The following CSGALNACT1 variants were observed in gnomAD, a reference collection of about 807,000 sequenced individuals.
CSGALNACT1 encodes the protein chondroitin sulfate N-acetylgalactosaminyltransferase 1.
A neutral mutation model predicts 51.0 loss-of-function variants in CSGALNACT1; 52 were observed. The ratio of observed to expected loss-of-function variants is 1.02; its 90% CI spans 0.82 to 1.29. The LOEUF (loss-of-function observed/expected upper bound fraction) is 1.29. CSGALNACT1 is among the 50% of genes most tolerant of loss of function. CSGALNACT1 has a pLI of 0.00. For synonymous variants in CSGALNACT1, 341 were observed against 254.4 expected (o/e 1.34, Z -3.24); for missense variants, 935 against 679.2 (o/e 1.38, Z -4.19).
rs2059308485 is a variant in CSGALNACT1, at chr8:19,666,928, AC to A, written c.-544+15544del. On this transcript the variant is annotated intron_variant, in intron 1 of 9. Transcript: ENST00000332246. ...AAGGGAGGAAGGGAGGAAGGGAGAG[AC>A]AGAGAGAGAGAGAAAAAGAAAGAAA... is the stretch of plus-strand genomic sequence containing the variant. 1.0e-4 allele frequency among the ~76,000 whole-genome samples: 14 copies of A among 140,676 alleles called. 1 individual carries two copies. Among genetic ancestry groups the A allele is most frequent in the African/African-American group, 3.5e-4 (13 of 37,110 alleles). 92.3% of individuals were successfully genotyped at this position (140,676 alleles called of 152,430 possible). A position where few individuals can be genotyped will look rare whatever the true frequency, so the allele number is the denominator to read the frequency against.
chr8:19,525,036 C>T lies in CSGALNACT1; in HGVS notation c.-296-18906G>A, dbSNP rs564268286. On this transcript the variant is annotated intron_variant, in intron 3 of 9. Coordinates refer to ENST00000454498, the Ensembl canonical transcript of CSGALNACT1. The stretch of plus-strand genomic sequence containing the variant: ...AGTGCCTAGCACAAACTGACCACAG[C>T]ATTGCTTATGATTTACTACTCTGTT... Among the ~76,000 whole-genome samples, 4 of 152,300 alleles carry T rather than the reference C, an allele frequency of 2.6e-5. No homozygotes were observed. The East Asian group carries it at 7.7e-4, about 29-fold the overall frequency.
At chr8:19,672,662 A>C (rs890160587) in intron 1 of CSGALNACT1, among the ~76,000 whole-genome samples, 3 of 152,200 alleles carry the variant, frequency 2.0e-5, no homozygotes, top group Non-Finnish European at 2.9e-5. Flanking sequence ...TGGTAACATA[A>C]ATGAAAAGCA....
chr8:19,496,930 G>C (rs1391347931), intron 4 of CSGALNACT1, among the ~76,000 whole-genome samples: 1 of 152,082 alleles, frequency 6.6e-6, no homozygotes, highest in Admixed American at 6.5e-5. Flanking sequence ...TGCAGCCGGC[G>C]GGAGGGGACA....
intron 1 of CSGALNACT1, among the ~76,000 whole-genome samples, chr8:19,731,257 C>T (rs1300319811): frequency 1.3e-5 from 2 of 152,004 alleles, no homozygotes; most frequent in East Asian, 3.9e-4. Flanking sequence ...CCTGTAATCC[C>T]AGCACTTTGG....
intron 2 of CSGALNACT1, among the ~76,000 whole-genome samples, chr8:19,597,235 T>G (rs1039260136): frequency 1.3e-5 from 2 of 151,834 alleles, no homozygotes; most frequent in South Asian, 4.1e-4. Flanking sequence ...ATTTCGTGTA[T>G]CCATTCATCT....
chr8:19,629,009 A>G (rs553675245), intron 1 of CSGALNACT1, among the ~76,000 whole-genome samples: 1 of 152,310 alleles, frequency 6.6e-6, no homozygotes, highest in Admixed American at 6.5e-5. Flanking sequence ...TAAGAGACCA[A>G]GGAGAAACTG....
intron 4 of CSGALNACT1, among the ~76,000 whole-genome samples, chr8:19,503,919 G>T (rs2076846325): frequency 6.6e-6 from 1 of 151,942 alleles, no homozygotes; most frequent in African/African-American, 2.4e-5. Context: ...AAGCATAAAA[G>T]AAGAAAGTGT....
chr8:19,484,046 C>G (rs906386691), intron 4 of CSGALNACT1, among the ~76,000 whole-genome samples: 4 of 152,198 alleles, frequency 2.6e-5, no homozygotes, highest in African/African-American at 9.7e-5. Context: ...GCAGTGGACA[C>G]TATCCCCCAA....
intron 5 of CSGALNACT1, among the ~76,000 whole-genome samples, chr8:19,449,560 T>C (rs1157030812): frequency 1.3e-5 from 2 of 152,174 alleles, no homozygotes. Flanking sequence ...TTTAAAATAA[T>C]TTTCCTGAAA....
chr8:19,443,212 T>C (rs562486379), intron 5 of CSGALNACT1, among the ~76,000 whole-genome samples: 1 of 152,228 alleles, frequency 6.6e-6, no homozygotes, highest in South Asian at 2.1e-4. Context: ...GCTGACGGTT[T>C]AGTTCATTTA....
intron 4 of CSGALNACT1, among the ~76,000 whole-genome samples, chr8:19,469,886 C>A (rs2067702095): frequency 1.3e-5 from 2 of 152,122 alleles, no homozygotes; most frequent in Admixed American, 1.3e-4. Flanking sequence ...AACTTGGTGT[C>A]TGCAACCCTA....
intron 3 of CSGALNACT1, among the ~76,000 whole-genome samples, chr8:19,570,817 G>A (rs890968737): frequency 1.3e-5 from 2 of 152,094 alleles, no homozygotes; most frequent in Non-Finnish European, 2.9e-5. Flanking sequence ...CAAGAATCAA[G>A]CTGAGGCTTG....
intron 3 of CSGALNACT1, among the ~76,000 whole-genome samples, chr8:19,537,682 C>G (rs1345244091): frequency 1.3e-5 from 2 of 152,152 alleles, no homozygotes; most frequent in Non-Finnish European, 2.9e-5. Context: ...CTTCAGTTGA[C>G]AAATCCATAA....
At chr8:19,516,491 C>T (rs73585587) in intron 3 of CSGALNACT1, among the ~76,000 whole-genome samples, 9,841 of 152,108 alleles carry the variant, frequency 0.065, 861 homozygotes, top group African/African-American at 0.19. Context: ...GCCCCTCAAA[C>T]GTGGCATGAA....
intron 1 of CSGALNACT1, among the ~76,000 whole-genome samples, chr8:19,666,827 GAGAGAGAA>G (rs1404977311): frequency 0.036 from 1,427 of 39,782 alleles, 51 homozygotes; most frequent in Non-Finnish European, 0.045. Context: ...GAGAGAGAGA[GAGAGAGAA>G]AGAAAGAAAG....
At chr8:19,581,470 A>AT (rs1231389598) in intron 3 of CSGALNACT1, among the ~76,000 whole-genome samples, 1 of 152,216 alleles carries the variant, frequency 6.6e-6, no homozygotes, top group Non-Finnish European at 1.5e-5. Flanking sequence ...TGAAACACAA[A>AT]TTTTGTTTTG....
intron 2 of CSGALNACT1, among the ~76,000 whole-genome samples, chr8:19,594,424 G>T (rs956589727): frequency 6.6e-6 from 1 of 152,156 alleles, no homozygotes; most frequent in African/African-American, 2.4e-5. Flanking sequence ...AAATTACAGT[G>T]AGACGAACAA....
chr8:19,404,635 T>C (rs552349198), exon 10 of CSGALNACT1: 20 of 444,184 alleles, frequency 4.5e-5, no homozygotes, highest in Admixed American at 4.2e-4. Context: ...TTTTTCTCCA[T>C]TTCTTCTTAT....
intron 4 of CSGALNACT1, among the ~76,000 whole-genome samples, chr8:19,461,710 CACACATTCA>C (rs2065475119): frequency 7.9e-6 from 1 of 126,778 alleles, no homozygotes; most frequent in South Asian, 2.4e-4. Context: ...CCGCACAGCA[CACACATTCA>C]CCATGGAGGG....
Sources: allele counts gnomAD v4.1 joint callset (sites outside exome capture counted in the v4.1 genomes callset), GRCh38; gene constraint gnomAD v4.1.1; transcripts MANE v1.5; gene names NCBI Gene and HGNC (gene_info 2026-07-23, HGNC 2026-07-21).